The following HR variants were observed in gnomAD, a reference collection of about 807,000 sequenced individuals.
The protein encoded by HR is HR lysine demethylase and nuclear receptor corepressor.
A neutral mutation model predicts 128.6 loss-of-function variants in HR; 83 were observed. The observed-to-expected ratio is 0.65, with a 90% CI of 0.54 to 0.77. The LOEUF (loss-of-function observed/expected upper bound fraction) is 0.77, where lower values mean the gene tolerates loss of function less well. Among genes scored for constraint, HR ranks in the 30% least tolerant of loss-of-function variants. The pLI, the probability that HR is intolerant of heterozygous loss-of-function variation, is 0.00. For missense variants in HR, 1,490 were observed against 1,574.6 expected, an observed-to-expected ratio of 0.95 and a Z score of 0.91; for synonymous variants, 681 against 658.2, an observed-to-expected ratio of 1.03 and a Z score of -0.53.
At chr8:22,122,400 T>C (rs1826775808) in intron 8 of HR, 93 bp downstream of exon 8, 2 of 865,960 alleles carry the variant, frequency 2.3e-6, no homozygotes, top group Admixed American at 4.6e-5. Context: ...TTCTCTCTCT[T>C]CATCCCCACC....
rs1037347527 is a variant in HR, at chr8:22,116,007, C to T, written c.3508-245G>A. Among the ~76,000 whole-genome samples the T allele has an allele frequency of 5.3e-5, 8 of 152,188 alleles. No individual in the cohort carries two copies. The highest frequency in any genetic ancestry group is 1.9e-4 in the East Asian group (1 of 5,172). ...AAATTTAACCAGGCATGGTGGTGGG[C>T]GCCTGTAGTCCCAGCTACTTGGGAG... On this transcript the variant is annotated intron_variant, in intron 18 of 18. Coordinates refer to ENST00000381418, the MANE Select transcript of HR (RefSeq NM_005144.5). This position sits in a 1 kb window ranked among gnomAD's most constrained non-coding sequence, Gnocchi z 4.2.
rs746916573 is a variant in HR, at chr8:22,121,194, G to A, written c.2238C>T (p.Asp746=). 2.5e-6 allele frequency: 4 copies of A among 1,613,820 alleles called. No individual in the cohort carries two copies. The highest frequency in any genetic ancestry group is 3.3e-5 in the Admixed American group (2 of 60,010). ...AAGGCAGGGGCCCTCGGCCAGCACGGTCCTCTGCTGGGGTCTCAGCGGAAT... is the reference window on the plus strand; with the variant it reads ...AAGGCAGGGGCCCTCGGCCAGCACGATCCTCTGCTGGGGTCTCAGCGGAAT... ...TPDSAETPAE[D]RAGRGPLPCP... is the part of the protein sequence containing the mutation. The change falls in exon 10 of 19, where the codon GAC becomes GAT. Residue 746 remains aspartate (D), a synonymous_variant. Coordinates refer to ENST00000381418, the MANE Select transcript of HR (RefSeq NM_005144.5).
Position 22,121,647 on chromosome 8 carries a change from A to G in HR, c.2169T>C (p.Asn723=). The G allele has an allele frequency of 6.2e-7, 1 of 1,614,126 alleles. No homozygotes were observed. The highest frequency in any genetic ancestry group is 8.5e-7 in the Non-Finnish European group (1 of 1,180,030). ...KTPPTPQPSC[N]GDTHRTKSIK... is the part of the protein sequence containing the mutation. Reference sequence around the variant, plus strand: ...TGCTCTTGGTCCTGTGGGTGTCGCCATTGCAGGAAGGTTGTGGAGTTGGGG... The same window carrying G: ...TGCTCTTGGTCCTGTGGGTGTCGCCGTTGCAGGAAGGTTGTGGAGTTGGGG... The change falls in exon 9 of 19, where the codon AAT becomes AAC. Residue 723 remains asparagine (N), a synonymous_variant. Transcript: ENST00000381418.
intron 6 of HR, 32 bp downstream of exon 6, chr8:22,123,617 T>TGGGGGGGGGGG: frequency 6.8e-6 from 2 of 292,092 alleles, no homozygotes; most frequent in Non-Finnish European, 6.2e-6. Context: ...GAGGGCTCCA[T>TGGGGGGGGGGG]CCCGCCCTCC....
intron 6 of HR, 101 bp from the exon 7 acceptor site, chr8:22,122,980 A>G: frequency 1.8e-6 from 2 of 1,113,666 alleles, no homozygotes; most frequent in Non-Finnish European, 2.6e-6. Context: ...AGGGGACTCA[A>G]TAGTCCACAA....
At chr8:22,122,663 G>A (rs1311799000) in intron 7 of HR, 55 bp from the exon 8 acceptor site, 3 of 1,495,390 alleles carry the variant, frequency 2.0e-6, no homozygotes, top group South Asian at 1.2e-5. Context: ...AGACCAACAG[G>A]CAGTCCCGGG....
chr8:22,116,223 T>C lies in HR; in HGVS notation c.3507+77A>G. The C allele has an allele frequency of 6.2e-7, 1 of 1,601,696 alleles. No individual in the cohort carries two copies. The highest frequency in any genetic ancestry group is 1.3e-5 in the African/African-American group (1 of 74,766). ...GCTTGGCACAGGGTGGGATCTGCTA[T>C]GTCCACTGCAGCTGTGGCACAGGGA... is the stretch of plus-strand genomic sequence containing the variant. On this transcript the variant is annotated intron_variant, in intron 18 of 18. Coordinates refer to ENST00000381418, the MANE Select transcript of HR (RefSeq NM_005144.5). This position sits in a 1 kb window ranked among gnomAD's most constrained non-coding sequence, Gnocchi z 4.2.
chr8:22,118,535 C>T (rs534857185), intron 16 of HR: 34 of 252,076 alleles, frequency 1.3e-4, no homozygotes, highest in Non-Finnish European at 1.6e-4. Flanking sequence ...AGAGTAGTGA[C>T]CTGGGGCCAT....
At chr8:22,118,152 A>G (rs913280205) in intron 16 of HR, 1 of 152,552 alleles carries the variant, frequency 6.6e-6, no homozygotes, top group Non-Finnish European at 1.5e-5. Flanking sequence ...GGTGCACACC[A>G]TGCTGGCCTC....
chr8:22,127,452 G>T lies in HR; in HGVS notation c.990C>A (p.Tyr330Ter). The change falls in exon 3 of 19, where the codon TAC becomes TAA. Residue 330 changes from tyrosine (Y) to a stop codon, truncating the protein, a stop_gained. Coordinates refer to ENST00000381418, the MANE Select transcript of HR (RefSeq NM_005144.5). LOFTEE classifies it high-confidence loss of function. Reference sequence around the variant, plus strand: ...CAAGACCCCCACCTTTAGTGGGTGGGTAGGATGAACAGCAGCCCCGCTGGG... The same window carrying T: ...CAAGACCCCCACCTTTAGTGGGTGGTTAGGATGAACAGCAGCCCCGCTGGG... ...PVTQRGCCSS[Y>*]PPTKGGGLGP... 1 of 1,611,260 alleles carries T rather than the reference G, an allele frequency of 6.2e-7. No homozygotes were observed. Among genetic ancestry groups the T allele is most frequent in the Non-Finnish European group, 8.5e-7 (1 of 1,178,298 alleles).
chr8:22,119,289 T>G lies in HR; in HGVS notation c.2978-6A>C, dbSNP rs1162835220. 2 of 1,613,400 alleles carry G rather than the reference T, an allele frequency of 1.2e-6. No individual in the cohort carries two copies. The highest frequency in any genetic ancestry group is 8.5e-7 in the Non-Finnish European group (1 of 1,180,020). Reference sequence around the variant, plus strand: ...TCCCCGGTGCGGGCTCACACCTGCATGGCAATAGAGAAAGAACAGTTAGAA... The same window carrying G: ...TCCCCGGTGCGGGCTCACACCTGCAGGGCAATAGAGAAAGAACAGTTAGAA... On this transcript the variant is annotated splice_polypyrimidine_tract_variant and splice_region_variant and intron_variant, in intron 14 of 18. Transcript: ENST00000381418.
rs1826579801 is a variant in HR, at chr8:22,116,154, A to G, written c.3507+146T>C. On this transcript the variant is annotated intron_variant, in intron 18 of 18. Transcript: ENST00000381418. This position sits in a 1 kb window ranked among gnomAD's most constrained non-coding sequence, Gnocchi z 4.2. ...CATCTCAAAAAACAAAATGAAACAAACTAAACAAAAGGAATACTCTGCCCC... is the reference window on the plus strand; with the variant it reads ...CATCTCAAAAAACAAAATGAAACAAGCTAAACAAAAGGAATACTCTGCCCC... 5 of 1,145,896 alleles carry G rather than the reference A, an allele frequency of 4.4e-6. No individual in the cohort carries two copies. Among genetic ancestry groups the G allele is most frequent in the South Asian group, 4.4e-5 (3 of 68,942 alleles). 71.0% of individuals were successfully genotyped at this position (1,145,896 alleles called of 1,614,324 possible). A position where few individuals can be genotyped will look rare whatever the true frequency, so the allele number is the denominator to read the frequency against.
In HR at chr8:22,128,763, C is replaced by T. The variant is rs1371536573; in HGVS notation, c.408G>A (p.Val136=). The T allele has an allele frequency of 6.2e-7, 1 of 1,606,998 alleles. No homozygotes were observed. Among genetic ancestry groups the T allele is most frequent in the Non-Finnish European group, 8.5e-7 (1 of 1,177,222 alleles). ...AAGGGCAGTGCCAGGGCCGGAAGGC[C>T]ACAGGGTCACTCTTGAGATGGCCAC... ...HSGGHLKSDP[V]AFRPWHCPFL... The change falls in exon 2 of 19, where the codon GTG becomes GTA. Residue 136 remains valine, a synonymous_variant. Coordinates refer to ENST00000381418, the MANE Select transcript of HR (RefSeq NM_005144.5).
Position 22,127,684 on chromosome 8 carries a change from C to G in HR, c.758G>C (p.Gly253Ala), listed in dbSNP as rs762034013. The G allele has an allele frequency of 5.6e-6, 9 of 1,610,054 alleles. No individual in the cohort carries two copies. The Admixed American group carries it at 8.3e-5, about 15-fold the overall frequency. ...CTGCTGCCGGCCAGCTCCCATCTCT[C>G]CATCCCTCTGGTGCAGTGAAGGGCG... Reference protein sequence around the residue: ...AERPSLHQRDGEMGAGRQQNP... With the variant: ...AERPSLHQRDAEMGAGRQQNP... The change falls in exon 3 of 19, where the codon GGA becomes GCA. Residue 253 changes from glycine (G) to alanine (A), a missense_variant. This residue lies in a region of HR where 1,060 missense variants were observed against 1,060.9 expected (regional missense o/e 1.00). Transcript: ENST00000381418.
rs1473083717 is a variant in HR, at chr8:22,130,950, G to T, written c.-563C>A. On this transcript the variant is annotated 5_prime_UTR_variant, in exon 1 of 19. Transcript: ENST00000381418. Reference sequence around the variant, plus strand: ...GCAGCACCGCGCAGCGCGGCTAATGGAGGTAGAGCGCGGCGGAGAGCGCAG... The same window carrying T: ...GCAGCACCGCGCAGCGCGGCTAATGTAGGTAGAGCGCGGCGGAGAGCGCAG... The T allele has an allele frequency of 6.6e-6, 1 of 152,338 alleles. No homozygotes were observed. The highest frequency in any genetic ancestry group is 1.9e-4 in the East Asian group (1 of 5,188). The allele number at this position is 152,338 out of a possible 1,614,324, so 9.4% of individuals were successfully genotyped here.
rs760684190 is a variant in HR at position 22,117,028 on chromosome 8, G to A, written c.3225C>T (p.Ala1075=). ...CGCCAGGCTCCAGGGCGCCTGCCCCGGCCGGGCACACCTCAAAGAAGAGAA... is the reference window on the plus strand; with the variant it reads ...CGCCAGGCTCCAGGGCGCCTGCCCCAGCCGGGCACACCTCAAAGAAGAGAA... ...IRRFLQMVCP[A]GAGALEPGAP... The change falls in exon 17 of 19, where the codon GCC becomes GCT. Residue 1075 remains alanine (A), a synonymous_variant. Transcript: ENST00000381418. The A allele has an allele frequency of 1.0e-5, 15 of 1,506,460 alleles. No homozygotes were observed. Among genetic ancestry groups the A allele is most frequent in the East Asian group, 2.4e-5 (1 of 41,710 alleles). 93.3% of individuals were successfully genotyped at this position (1,506,460 alleles called of 1,614,324 possible). A position where few individuals can be genotyped will look rare whatever the true frequency, so the allele number is the denominator to read the frequency against.
At chr8:22,122,295 G>A (rs1826773453) in intron 8 of HR, among the ~76,000 whole-genome samples, 198 bp downstream of exon 8, 1 of 152,110 alleles carries the variant, frequency 6.6e-6, no homozygotes, top group African/African-American at 2.4e-5. Flanking sequence ...GGCAGGGGGT[G>A]AGGACCTCCA....
intron 16 of HR, chr8:22,117,797 C>G (rs564325229): frequency 6.6e-6 from 1 of 152,658 alleles, no homozygotes. Flanking sequence ...AGGACCTCAG[C>G]CATTGCCCCT....
In HR at chr8:22,128,886, C is replaced by G; in HGVS notation, c.285G>C (p.Glu95Asp). ...GCATGGCCTCCTTCCAGCGCAGTCCCTCTTTGCTGCCCAGCCAGTTGACCT... is the reference window on the plus strand; with the variant it reads ...GCATGGCCTCCTTCCAGCGCAGTCCGTCTTTGCTGCCCAGCCAGTTGACCT... ...ERKVNWLGSK[E>D]GLRWKEAMLT... Residue 95 changes from glutamate (E) to aspartate (D), a missense_variant, in exon 2 of 19, where the codon GAG (glutamate) becomes GAC (aspartate). This residue lies in a region of HR where 1,060 missense variants were observed against 1,060.9 expected (regional missense o/e 1.00). Coordinates refer to ENST00000381418, the MANE Select transcript of HR (RefSeq NM_005144.5). 1.9e-6 allele frequency: 3 copies of G among 1,613,484 alleles called. No individual in the cohort carries two copies. The highest frequency in any genetic ancestry group is 2.5e-6 in the Non-Finnish European group (3 of 1,180,022).
Sources: allele counts gnomAD v4.1 joint callset (sites outside exome capture counted in the v4.1 genomes callset), GRCh38; gene constraint gnomAD v4.1.1; regional missense constraint gnomAD v4.1.1; non-coding constraint Gnocchi (gnomAD v3.1); transcripts MANE v1.5; gene names NCBI Gene and HGNC (gene_info 2026-07-23, HGNC 2026-07-21).